Variants in C14orf93 observed in about 807,000 individuals in gnomAD.
C14orf93 encodes uncharacterized protein C14orf93.
Under a neutral mutation model 44.0 loss-of-function variants are expected in C14orf93, and 23 were observed. The ratio of observed to expected loss-of-function variants is 0.52; its 90% CI spans 0.38 to 0.74. C14orf93 has a LOEUF of 0.74. Among genes scored for constraint, C14orf93 ranks in the 30% least tolerant of loss-of-function variants. C14orf93 has a pLI of 0.00. For missense variants in C14orf93, 579 were observed against 678.9 expected, an observed-to-expected ratio of 0.85 and a Z score of 1.64; for synonymous variants, 253 against 265.7, an observed-to-expected ratio of 0.95 and a Z score of 0.46.
Position 22,996,057 on chromosome 14 carries a change from G to A in C14orf93, c.809C>T (p.Pro270Leu), listed in dbSNP as rs1442102363. The A allele has an allele frequency of 2.5e-6, 4 of 1,614,036 alleles. No individual in the cohort carries two copies. Among genetic ancestry groups the A allele is most frequent in the Non-Finnish European group, 3.4e-6 (4 of 1,180,026 alleles). The change falls in exon 3 of 7, where the codon CCT becomes CTT. Residue 270 changes from proline (P) to leucine (L), a missense_variant. Transcript: ENST00000299088. The surrounding 1 kb of genome is among the most constrained non-coding windows in gnomAD (Gnocchi z 4.1). The part of the protein sequence containing the change: ...ALDSALEESG[P>L]GSTGELRHSL... ...GTGTCTCAGCTCCCCAGTGCTCCCAGGGCCTGACTCTTCCAAGGCACTGTC... is the reference window on the plus strand; with the variant it reads ...GTGTCTCAGCTCCCCAGTGCTCCCAAGGCCTGACTCTTCCAAGGCACTGTC...
chr14:23,002,253 C>T (rs957183854), intron 1 of C14orf93, among the ~76,000 whole-genome samples: 1 of 151,702 alleles, frequency 6.6e-6, no homozygotes, highest in Non-Finnish European at 1.5e-5. Flanking sequence ...GAGTTCTAGA[C>T]CAGCCTGGCC....
intron 1 of C14orf93, among the ~76,000 whole-genome samples, chr14:23,009,028 C>T (rs145636928): frequency 6.6e-6 from 1 of 152,292 alleles, no homozygotes; most frequent in East Asian, 1.9e-4. Flanking sequence ...CCAAACCACA[C>T]ATAAAGGCCA....
chr14:22,996,357 G>T lies in C14orf93; in HGVS notation c.598-89C>A. ...ATTCTTTGGCTAAGAATAGTGAACA[G>T]AAAGTGGAAAGAAGGGGAACTCTAG... On this transcript the variant is annotated intron_variant, in intron 2 of 6. Transcript: ENST00000299088. This position sits in a 1 kb window ranked among gnomAD's most constrained non-coding sequence, Gnocchi z 4.1. 7.6e-7 allele frequency: 1 copy of T among 1,309,456 alleles called. No individual in the cohort carries two copies. The highest frequency in any genetic ancestry group is 1.0e-6 in the Non-Finnish European group (1 of 965,226). 81.1% of individuals were successfully genotyped at this position (1,309,456 alleles called of 1,614,324 possible). A position where few individuals can be genotyped will look rare whatever the true frequency, so the allele number is the denominator to read the frequency against.
Position 22,998,470 on chromosome 14 carries a change from C to G in C14orf93, c.554G>C (p.Gly185Ala). Residue 185 changes from glycine to alanine, a missense_variant, in exon 2 of 7, where the codon GGG becomes GCG. By Grantham distance (60) the Gly-to-Ala change is moderately conservative. Transcript: ENST00000299088. The stretch of plus-strand genomic sequence containing the variant: ...CGCCTCGCTGGCAGCCAGCGTGCAC[C>G]CTGGGAGCCGCATGTCCCTCTGAGT... ...PATQRDMRLP[G>A]CTLAASEAAP... 1 of 1,607,742 alleles carries G rather than the reference C, an allele frequency of 6.2e-7. No individual in the cohort carries two copies. The highest frequency in any genetic ancestry group is 8.5e-7 in the Non-Finnish European group (1 of 1,177,232).
chr14:23,009,034 G>A (rs1468624062), intron 1 of C14orf93, among the ~76,000 whole-genome samples: 1 of 152,032 alleles, frequency 6.6e-6, no homozygotes, highest in Non-Finnish European at 1.5e-5. Flanking sequence ...CACACATAAA[G>A]GCCAAAATAT....
chr14:23,001,948 A>G (rs1273859253), intron 1 of C14orf93, among the ~76,000 whole-genome samples: 1 of 150,248 alleles, frequency 6.7e-6, no homozygotes, highest in African/African-American at 2.5e-5. Flanking sequence ...GGAGATGGAG[A>G]CCATCCTGGC....
chr14:23,002,119 A>C (rs1361825476), intron 1 of C14orf93, among the ~76,000 whole-genome samples: 7 of 148,240 alleles, frequency 4.7e-5, no homozygotes, highest in Admixed American at 2.0e-4. Flanking sequence ...ACTGCACTCC[A>C]GCCTGGGCGA....
In C14orf93 at chr14:22,996,390, T is replaced by C. The variant is rs1196164090; in HGVS notation, c.598-122A>G. The C allele has an allele frequency of 1.0e-6, 1 of 979,456 alleles. No individual in the cohort carries two copies. Among genetic ancestry groups the C allele is most frequent in the East Asian group, 2.7e-5 (1 of 37,228 alleles). 60.7% of individuals were successfully genotyped at this position (979,456 alleles called of 1,614,324 possible). A position where few individuals can be genotyped will look rare whatever the true frequency, so the allele number is the denominator to read the frequency against. On this transcript the variant is annotated intron_variant, in intron 2 of 6. Coordinates refer to ENST00000299088, the MANE Select transcript of C14orf93 (RefSeq NM_021944.4). This position sits in a 1 kb window ranked among gnomAD's most constrained non-coding sequence, Gnocchi z 4.1. ...AAAGAAGGGGAACTCTAGCACAGTC[T>C]TTAATGGTCAATGGCTTGTTTCTCT...
intron 1 of C14orf93, among the ~76,000 whole-genome samples, chr14:23,002,130 CAG>C (rs2046339251): frequency 8.1e-6 from 1 of 123,644 alleles, no homozygotes; most frequent in South Asian, 2.6e-4. Flanking sequence ...GCCTGGGCGA[CAG>C]AGCGAGATTC....
chr14:23,001,765 C>T (rs578095528), intron 1 of C14orf93, among the ~76,000 whole-genome samples: 2 of 148,988 alleles, frequency 1.3e-5, no homozygotes, highest in East Asian at 2.0e-4. Context: ...GCGCCCAGCT[C>T]CTTCTTCTTT....
chr14:23,003,759 C>G (rs2046425984), intron 1 of C14orf93, among the ~76,000 whole-genome samples: 1 of 147,748 alleles, frequency 6.8e-6, no homozygotes, highest in South Asian at 2.2e-4. Context: ...CAAGATCACA[C>G]CATTGCACAC....
At chr14:23,000,640 C>T (rs955680403) in intron 1 of C14orf93, among the ~76,000 whole-genome samples, 32 of 147,874 alleles carry the variant, frequency 2.2e-4, no homozygotes, top group Admixed American at 1.2e-3. Context: ...CACTTGAACC[C>T]GGGAGGCAAA....
In C14orf93 at chr14:23,002,424, A is replaced by C. The variant is rs192382759; in HGVS notation, c.-379-3022T>G. Among the ~76,000 whole-genome samples, 333 of 147,742 alleles carry C rather than the reference A, an allele frequency of 2.3e-3. 1 individual carries two copies. The highest frequency in any genetic ancestry group is 7.9e-3 in the African/African-American group (316 of 39,858). ...CCGAGATCACGCCACTGCACTCCAG[A>C]CTGGGTGATGGAACGAGACTCCATC... On this transcript the variant is annotated intron_variant, in intron 1 of 6. Transcript: ENST00000299088.
Position 22,998,962 on chromosome 14 carries a change from C to A in C14orf93, c.62G>T (p.Cys21Phe). 1 of 1,613,736 alleles carries A rather than the reference C, an allele frequency of 6.2e-7. No homozygotes were observed. The highest frequency in any genetic ancestry group is 8.5e-7 in the Non-Finnish European group (1 of 1,179,998). The change falls in exon 2 of 7, where the codon TGC becomes TTC. Residue 21 changes from cysteine (C) to phenylalanine (F), a missense_variant. Coordinates refer to ENST00000299088, the MANE Select transcript of C14orf93 (RefSeq NM_021944.4). Reference protein sequence around the residue: ...PPSGSEARCCCCACKSETNGG... With the variant: ...PPSGSEARCCFCACKSETNGG... ...ATTAGTCTCACTCTTACAGGCGCAG[C>A]AGCAGCATCTGGCCTCGCTGCCACT...
intron 1 of C14orf93, among the ~76,000 whole-genome samples, chr14:23,004,622 T>TA (rs903340839): frequency 6.6e-6 from 1 of 152,054 alleles, no homozygotes; most frequent in Non-Finnish European, 1.5e-5. Context: ...ATGGACTATC[T>TA]AAAAAACAAA....
In C14orf93 at chr14:22,996,983, G is replaced by GCACACA. The variant is rs200829885; in HGVS notation, c.598-721_598-716dup. Among the ~76,000 whole-genome samples, 883 of 62,572 alleles carry GCACACA rather than the reference G, an allele frequency of 0.014. 13 individuals are homozygous for GCACACA. The highest frequency in any genetic ancestry group is 0.036 in the African/African-American group (749 of 20,792). 41.0% of individuals were successfully genotyped at this position (62,572 alleles called of 152,430 possible). On this transcript the variant is annotated intron_variant, in intron 2 of 6. Transcript: ENST00000299088. The surrounding 1 kb of genome is among the most constrained non-coding windows in gnomAD (Gnocchi z 4.1). ...TGAAAGTGGGGACACACACGCACAC[G>GCACACA]CACACACACACACACACACACACAC...
At chr14:22,989,213 G>A (rs747915983) in intron 5 of C14orf93, among the ~76,000 whole-genome samples, 1 of 152,062 alleles carries the variant, frequency 6.6e-6, no homozygotes, top group Non-Finnish European at 1.5e-5. Context: ...TGCTAGTCTC[G>A]AACTCCTGGA....
chr14:22,996,044 C>T lies in C14orf93; in HGVS notation c.822G>A (p.Gly274=), dbSNP rs1247287909. The T allele has an allele frequency of 6.2e-7, 1 of 1,614,168 alleles. No homozygotes were observed. The highest frequency in any genetic ancestry group is 1.1e-5 in the South Asian group (1 of 91,076). Residue 274 remains glycine (G), a synonymous_variant, in exon 3 of 7, where the codon GGG becomes GGA. Transcript: ENST00000299088. This position sits in a 1 kb window ranked among gnomAD's most constrained non-coding sequence, Gnocchi z 4.1. The stretch of plus-strand genomic sequence containing the variant: ...TCAGCCCTAGAGAGTGTCTCAGCTC[C>T]CCAGTGCTCCCAGGGCCTGACTCTT... ...ALEESGPGST[G]ELRHSLGLTV... is the part of the protein sequence containing the mutation.
rs900445769 is a variant in C14orf93 at position 22,986,887 on chromosome 14, T to C, written c.*328A>G. On this transcript the variant is annotated 3_prime_UTR_variant, in exon 7 of 7. Coordinates refer to ENST00000299088, the MANE Select transcript of C14orf93 (RefSeq NM_021944.4). The stretch of plus-strand genomic sequence containing the variant: ...GGAACTGGGCAGGGGCAGAAACAAC[T>C]CAGAGACAGGGCATATGTCAAGAAG... The C allele has an allele frequency of 6.1e-6, 2 of 326,886 alleles. No individual in the cohort carries two copies. Among genetic ancestry groups the C allele is most frequent in the Non-Finnish European group, 1.1e-5 (2 of 175,564 alleles). The allele number at this position is 326,886 out of a possible 1,614,324, so 20.2% of individuals were successfully genotyped here. A position where few individuals can be genotyped will look rare whatever the true frequency, so the allele number is the denominator to read the frequency against.
Sources: allele counts gnomAD v4.1 joint callset (sites outside exome capture counted in the v4.1 genomes callset), GRCh38; gene constraint gnomAD v4.1.1; non-coding constraint Gnocchi (gnomAD v3.1); transcripts MANE v1.5; gene names NCBI Gene and HGNC (gene_info 2026-07-23, HGNC 2026-07-21).